TMCO6: variants seen among roughly 807,000 people sequenced by gnomAD.
TMCO6 encodes transmembrane and coiled-coil domains 6.
Under a neutral mutation model 61.8 loss-of-function variants are expected in TMCO6, and 47 were observed. The observed-to-expected ratio is 0.76, with a 90% CI of 0.60 to 0.97. The LOEUF is 0.97. TMCO6 is among the 50% of genes least tolerant of loss of function. The pLI is 0.00. For missense variants in TMCO6, 557 were observed against 601.6 expected (o/e 0.93, Z 0.78); for synonymous variants, 261 against 254.2 (o/e 1.03, Z -0.25).
the TMCO6 span, among the ~76,000 whole-genome samples, chr5:140,608,339 T>C: frequency 1.3e-5 from 2 of 152,242 alleles, no homozygotes; most frequent in African/African-American, 4.8e-5. Flanking sequence ...CCCATATTTT[T>C]ACTTGATTTG....
chr5:140,644,822 AGTT>A, intron 11 of TMCO6, 82 bp downstream of exon 11: 1 of 1,569,442 alleles, frequency 6.4e-7, no homozygotes, highest in Admixed American at 1.8e-5. Flanking sequence ...TCCTAACTAT[AGTT>A]GTTTCTCTGG....
At chr5:140,615,616 T>C in the TMCO6 span, among the ~76,000 whole-genome samples, 1 of 152,134 alleles carries the variant, frequency 6.6e-6, no homozygotes, top group Non-Finnish European at 1.5e-5. Flanking sequence ...AGGAATAGAA[T>C]AGAAATCTCA....
At position 140,642,915 on chromosome 5, in the gene TMCO6, C is replaced by T; in HGVS notation, c.690-10C>T. On this transcript the variant is annotated splice_polypyrimidine_tract_variant and intron_variant, in intron 6 of 11. Coordinates refer to ENST00000394671, the MANE Select transcript of TMCO6 (RefSeq NM_018502.5). The stretch of plus-strand genomic sequence containing the variant: ...GTGGTTCCTACTTACAGCCCTGCTT[C>T]TGCCAGCAGCTCCATCTTGGCCTCC... 1 of 1,614,194 alleles carries T rather than the reference C, an allele frequency of 6.2e-7. No individual in the cohort carries two copies. The highest frequency in any genetic ancestry group is 1.3e-5 in the African/African-American group (1 of 75,060).
chr5:140,642,179 A>T, intron 4 of TMCO6, 126 bp downstream of exon 4: 1 of 1,415,798 alleles, frequency 7.1e-7, no homozygotes, highest in Non-Finnish European at 9.7e-7. Flanking sequence ...CCATGGCTAC[A>T]CCCATCATCT....
chr5:140,635,546 G>C (rs1250453943), upstream of TMCO6, among the ~76,000 whole-genome samples: 1 of 152,190 alleles, frequency 6.6e-6, no homozygotes, highest in East Asian at 1.9e-4. Context: ...GAGGGGCAGT[G>C]ATGGTTCTGC....
upstream of TMCO6, among the ~76,000 whole-genome samples, chr5:140,634,517 G>T (rs1190078065): frequency 7.3e-6 from 1 of 137,878 alleles, no homozygotes; most frequent in Non-Finnish European, 1.5e-5. Context: ...ACTGAGTTTG[G>T]CTCTGTTGCC....
the TMCO6 span, among the ~76,000 whole-genome samples, chr5:140,631,141 A>G: frequency 0.021 from 3,262 of 152,310 alleles, 132 homozygotes; most frequent in African/African-American, 0.075. Context: ...GACCGACTGT[A>G]TCTTGCGTCA....
chr5:140,646,034 G>A (rs1447813095), downstream of TMCO6, among the ~76,000 whole-genome samples: 2 of 146,268 alleles, frequency 1.4e-5, no homozygotes, highest in Admixed American at 1.4e-4. Flanking sequence ...TTTTTGAGAC[G>A]GAGTCTCGCT....
At position 140,644,729 on chromosome 5, in the gene TMCO6, T is replaced by C. The variant is rs777004096; in HGVS notation, c.1357T>C (p.Tyr453His). 6 of 1,614,240 alleles carry C rather than the reference T, an allele frequency of 3.7e-6. No homozygotes were observed. ...SLELLHLLFL[Y>H]QPEAVQVFLQ... The stretch of plus-strand genomic sequence containing the variant: ...GGAGCTGCTGCATCTGCTGTTCCTG[T>C]ATCAGCCAGAGGTATAGGTTTCTGG... Residue 453 changes from tyrosine to histidine, a missense_variant, in exon 11 of 12, where the codon TAT (tyrosine) becomes CAT (histidine). Transcript: ENST00000394671.
chr5:140,640,560 C>T (rs890604786), intron 2 of TMCO6, among the ~76,000 whole-genome samples: 1 of 152,022 alleles, frequency 6.6e-6, no homozygotes, highest in East Asian at 1.9e-4. Flanking sequence ...CGCGCGCCAC[C>T]ACTAATTTTT....
the TMCO6 span, among the ~76,000 whole-genome samples, chr5:140,601,448 T>C: frequency 8.5e-5 from 13 of 152,230 alleles, no homozygotes; most frequent in Admixed American, 3.3e-4. Context: ...ATCATATTTG[T>C]CCAGGGCCCT....
the TMCO6 span, among the ~76,000 whole-genome samples, chr5:140,614,209 T>C: frequency 6.7e-6 from 1 of 149,466 alleles, no homozygotes; most frequent in Non-Finnish European, 1.5e-5. Flanking sequence ...ATCTCTCATC[T>C]TAAAAAACAA....
chr5:140,628,095 G>A, the TMCO6 span, among the ~76,000 whole-genome samples: 5 of 148,420 alleles, frequency 3.4e-5, no homozygotes, highest in South Asian at 2.2e-4. Context: ...CACAACCTCC[G>A]CCTCCCAGAT....
the TMCO6 span, among the ~76,000 whole-genome samples, chr5:140,621,441 C>A: frequency 6.6e-6 from 1 of 152,186 alleles, no homozygotes; most frequent in South Asian, 2.1e-4. Context: ...CCAGTCAATA[C>A]CCTTGTGATT....
chr5:140,601,501 A>G, the TMCO6 span, among the ~76,000 whole-genome samples: 1 of 152,130 alleles, frequency 6.6e-6, no homozygotes, highest in Non-Finnish European at 1.5e-5. Context: ...GTCCACCTCA[A>G]CCTCTCAGAG....
downstream of TMCO6, chr5:140,645,513 A>AT (rs754151476): frequency 1.3e-6 from 2 of 1,579,012 alleles, no homozygotes; most frequent in African/African-American, 1.3e-5. Context: ...AGGAGAACAC[A>AT]TTTTTTTCAC....
At chr5:140,616,434 G>A in the TMCO6 span, among the ~76,000 whole-genome samples, 6 of 151,694 alleles carry the variant, frequency 4.0e-5, no homozygotes, top group African/African-American at 9.7e-5. Context: ...TGGTGACACC[G>A]GCCTATAGCC....
rs1268898834 is a variant in TMCO6, at chr5:140,643,005, T to C, written c.770T>C (p.Val257Ala). The C allele has an allele frequency of 2.5e-6, 4 of 1,614,066 alleles. No homozygotes were observed. In the African/African-American group the frequency reaches 5.3e-5, roughly 22 times the overall value. The change falls in exon 7 of 12, where the codon GTG (valine) becomes GCG (alanine). Residue 257 changes from valine (V) to alanine (A), a missense_variant. Coordinates refer to ENST00000394671, the MANE Select transcript of TMCO6 (RefSeq NM_018502.5). ...CCAAAGCTCAACCCTGGGGTCGCTG[T>C]GGAGTTTGCCTGGTGCCTTCATTAC... ...PGPKLNPGVA[V>A]EFAWCLHYII...
At chr5:140,597,753 G>A in the TMCO6 span, among the ~76,000 whole-genome samples, 1 of 152,172 alleles carries the variant, frequency 6.6e-6, no homozygotes, top group Non-Finnish European at 1.5e-5. Context: ...ATAGCTACAG[G>A]ACTAATGGAC....
Sources: allele counts gnomAD v4.1 joint callset (sites outside exome capture counted in the v4.1 genomes callset), GRCh38; gene constraint gnomAD v4.1.1; transcripts MANE v1.5; gene names NCBI Gene and HGNC (gene_info 2026-07-23, HGNC 2026-07-21).